Variants in MCM3AP observed in about 807,000 individuals in gnomAD.
The protein encoded by MCM3AP is minichromosome maintenance complex component 3 associated protein.
A neutral mutation model predicts 184.1 loss-of-function variants in MCM3AP; 126 were observed. The ratio of observed to expected loss-of-function variants is 0.68; its 90% CI spans 0.59 to 0.79. MCM3AP has a LOEUF of 0.79. MCM3AP is among the 30% of genes least tolerant of loss of function. MCM3AP has a pLI of 0.00. For missense variants in MCM3AP, 2,496 were observed against 2,479.2 expected (o/e 1.01, Z -0.14); for synonymous variants, 1,002 against 979.3 (o/e 1.02, Z -0.43).
Position 46,276,047 on chromosome 21 carries a change from T to G in MCM3AP, c.1859-722A>C, listed in dbSNP as rs17182682. Among the ~76,000 whole-genome samples, 1,503 of 152,152 alleles carry G rather than the reference T, an allele frequency of 9.9e-3. 23 individuals carry two copies. Among genetic ancestry groups the G allele is most frequent in the African/African-American group, 0.034 (1,421 of 41,510 alleles). ...CTGGCAGATCACCTGAGGTCGGGAG[T>G]TCGAGACCAGCCTGACCAACATGGA... On this transcript the variant is annotated intron_variant, in intron 5 of 27. Coordinates refer to ENST00000291688, the MANE Select transcript of MCM3AP (RefSeq NM_003906.5).
In MCM3AP at chr21:46,277,695, G is replaced by A. The variant is rs1008209747; in HGVS notation, c.1690C>T (p.Leu564Phe). ...CCCTCGAATTGGTGGGCCTTTAGAA[G>A]ACTTGGCTTCTTCACTGGAGAGCTA... ...NKSSPVKKPS[L>F]LKAHQFEGDS... Residue 564 changes from leucine to phenylalanine, a missense_variant, in exon 5 of 28, where the codon CTT becomes TTT. Coordinates refer to ENST00000291688, the MANE Select transcript of MCM3AP (RefSeq NM_003906.5). The A allele has an allele frequency of 3.1e-6, 5 of 1,593,706 alleles. No homozygotes were observed. Among genetic ancestry groups the A allele is most frequent in the South Asian group, 1.1e-5 (1 of 88,396 alleles).
At chr21:46,259,135 CCA>C (rs756726360) in intron 15 of MCM3AP, 44 bp from the exon 16 acceptor site, 60 of 1,570,208 alleles carry the variant, frequency 3.8e-5, no homozygotes, top group Non-Finnish European at 5.1e-5. Flanking sequence ...CACTTGGGGC[CCA>C]CAGACACTGA....
intron 9 of MCM3AP, chr21:46,270,185 C>G (rs2081162157): frequency 2.4e-6 from 1 of 412,902 alleles, no homozygotes; most frequent in African/African-American, 2.0e-5. Flanking sequence ...AACCATGGAA[C>G]AGTATTTTCC....
At chr21:46,264,291 CG>C (rs921058531) in intron 12 of MCM3AP, 74 bp from the exon 13 acceptor site, 1 of 951,978 alleles carries the variant, frequency 1.1e-6, no homozygotes, top group African/African-American at 1.6e-5. Flanking sequence ...ATGTTGTCAC[CG>C]GACAGTCTGC....
In MCM3AP at chr21:46,242,911, G is replaced by A; in HGVS notation, c.5317C>T (p.Gln1773Ter). 2 of 1,608,746 alleles carry A rather than the reference G, an allele frequency of 1.2e-6. No homozygotes were observed. The highest frequency in any genetic ancestry group is 1.7e-6 in the Non-Finnish European group (2 of 1,178,268). The change falls in exon 25 of 28, where the codon CAG (glutamine) becomes TAG (stop). Residue 1773 changes from glutamine (Q) to a stop codon, truncating the protein, a stop_gained. Transcript: ENST00000291688. LOFTEE classifies it high-confidence loss of function. The stretch of plus-strand genomic sequence containing the variant: ...TTTTTAAAAAAATACACACATATCT[G>A]ACCATCTTCACTCAGCGCCTCTGAG... ...VTSEALSEDGQICVYFFKNDL... is the reference protein window; with the variant it reads ...VTSEALSEDG
rs149107331 is a variant in MCM3AP at position 46,245,165 on chromosome 21, G to T, written c.4680C>A (p.His1560Gln). Residue 1560 changes from histidine to glutamine, a missense_variant, in exon 23 of 28, where the codon CAC (histidine) becomes CAA (glutamine). By Grantham distance (24) the His-to-Gln change is conservative (BLOSUM62 0). This residue lies in a region of MCM3AP where 1,323 missense variants were observed against 1,273.4 expected (regional missense o/e 1.04). Coordinates refer to ENST00000291688, the MANE Select transcript of MCM3AP (RefSeq NM_003906.5). The part of the protein sequence containing the change: ...VLQAVQWLVS[H>Q]CPHSLDLCCQ... ...AGCAGAGGTCAAGGGAATGGGGGCAGTGGGAAACCAGCCACTGCACTGCTT... is the reference window on the plus strand; with the variant it reads ...AGCAGAGGTCAAGGGAATGGGGGCATTGGGAAACCAGCCACTGCACTGCTT... 5.6e-6 allele frequency: 9 copies of T among 1,613,542 alleles called. No individual in the cohort carries two copies. In the African/African-American group the frequency reaches 9.3e-5, roughly 17 times the overall value.
chr21:46,245,312 C>T (rs1482106303), intron 22 of MCM3AP, 115 bp from the exon 23 acceptor site: 3 of 907,252 alleles, frequency 3.3e-6, no homozygotes, highest in Middle Eastern at 3.0e-4. Context: ...GAGTACTGGG[C>T]TCTCAACTGT....
intron 13 of MCM3AP, among the ~76,000 whole-genome samples, chr21:46,262,737 G>A (rs1048459174): frequency 4.6e-5 from 7 of 151,848 alleles, no homozygotes; most frequent in Non-Finnish European, 1.0e-4. Context: ...GGAGGCCGAG[G>A]CGGGTGGATC....
intron 4 of MCM3AP, among the ~76,000 whole-genome samples, chr21:46,278,709 T>C (rs2081285328): frequency 6.6e-6 from 1 of 151,960 alleles, no homozygotes; most frequent in African/African-American, 2.4e-5. Flanking sequence ...GGTCTCGCTC[T>C]GTTGCCCAGT....
At chr21:46,256,517 G>C (rs1025000213) in intron 17 of MCM3AP, 15 of 504,688 alleles carry the variant, frequency 3.0e-5, no homozygotes, top group Non-Finnish European at 5.3e-5. Flanking sequence ...AAGAACACGT[G>C]ATGCAGAGTC....
At chr21:46,260,967 G>A (rs1347207508) in intron 14 of MCM3AP, 61 bp from the exon 15 acceptor site, 2 of 1,331,654 alleles carry the variant, frequency 1.5e-6, no homozygotes, top group African/African-American at 2.9e-5. Context: ...AGTGCTGTTT[G>A]TTTTACTCCC....
intron 13 of MCM3AP, among the ~76,000 whole-genome samples, chr21:46,261,895 A>C (rs1601520103): frequency 6.6e-6 from 1 of 152,314 alleles, no homozygotes; most frequent in East Asian, 1.9e-4. Context: ...TTTCAAAGGA[A>C]ATGCTCATTG....
At chr21:46,252,386 C>A (rs2080886833) in intron 19 of MCM3AP, 1 of 152,114 alleles carries the variant, frequency 6.6e-6, no homozygotes, top group Admixed American at 6.5e-5. Context: ...GAGAAGACAG[C>A]TATTTTAAGA....
Position 46,241,087 on chromosome 21 carries a change from A to G in MCM3AP, c.5427-70T>C, listed in dbSNP as rs545694980. The G allele has an allele frequency of 6.9e-4, 803 of 1,155,846 alleles. 9 individuals are homozygous for G. Among genetic ancestry groups the G allele is most frequent in the South Asian group, 6.9e-3 (527 of 76,038 alleles). 71.6% of individuals were successfully genotyped at this position (1,155,846 alleles called of 1,614,324 possible). ...TTCTACAGCATCATGTAAAGCATGTAGATACATTTGCACATGTGCATTAAC... is the reference window on the plus strand; with the variant it reads ...TTCTACAGCATCATGTAAAGCATGTGGATACATTTGCACATGTGCATTAAC... On this transcript the variant is annotated intron_variant, in intron 25 of 27. Transcript: ENST00000291688.
At position 46,235,136 on chromosome 21, in the gene MCM3AP, C is replaced by A; in HGVS notation, c.*132G>T. 9.9e-7 allele frequency: 1 copy of A among 1,005,654 alleles called. No homozygotes were observed. The highest frequency in any genetic ancestry group is 1.4e-6 in the Non-Finnish European group (1 of 694,892). 62.3% of individuals were successfully genotyped at this position (1,005,654 alleles called of 1,614,324 possible). A position where few individuals can be genotyped will look rare whatever the true frequency, so the allele number is the denominator to read the frequency against. ...TCATTATGAAAAACTGGGAGACTGACATTTAAATGGTTTATCTGCATGATT... is the reference window on the plus strand; with the variant it reads ...TCATTATGAAAAACTGGGAGACTGAAATTTAAATGGTTTATCTGCATGATT... On this transcript the variant is annotated 3_prime_UTR_variant, in exon 28 of 28. Transcript: ENST00000291688.
chr21:46,254,826 GT>G lies in MCM3AP; in HGVS notation c.3950del (p.Asn1317ThrfsTer7). On this transcript the variant is annotated frameshift_variant, in exon 18 of 28. Transcript: ENST00000291688. LOFTEE classifies it high-confidence loss of function. ...ISCTRLRRLRNKTAHQMKVQH... is the reference protein window; with the variant it reads ...ISCTRLRRLRXKTAHQMKVQH... ...GAACCTTCATCTGGTGAGCTGTCTT[GT>G]TTCTGAGCCGCCTTAACCTGCAAAG... The G allele has an allele frequency of 6.2e-7, 1 of 1,614,100 alleles. No individual in the cohort carries two copies. The highest frequency in any genetic ancestry group is 1.3e-5 in the African/African-American group (1 of 75,040).
At position 46,272,592 on chromosome 21, in the gene MCM3AP, G is replaced by C. The variant is rs145701527; in HGVS notation, c.2434C>G (p.Leu812Val). 7.4e-6 allele frequency: 12 copies of C among 1,614,054 alleles called. No homozygotes were observed. The highest frequency in any genetic ancestry group is 1.0e-5 in the Non-Finnish European group (12 of 1,180,024). ...ATGTCTCCCTTGTTGAGACTGAGCA[G>C]AACATTGTAGCCCTGGAACTCCGCT... ...SEAEFQGYNVLLSLNKGDILR... is the reference protein window; with the variant it reads ...SEAEFQGYNVVLSLNKGDILR... The change falls in exon 8 of 28, where the codon CTG (leucine) becomes GTG (valine). Residue 812 changes from leucine to valine, a missense_variant. Physicochemically the swap from Leu to Val is conservative, Grantham distance 32 (BLOSUM62 1). Coordinates refer to ENST00000291688, the MANE Select transcript of MCM3AP (RefSeq NM_003906.5).
Position 46,264,102 on chromosome 21 carries a change from C to T in MCM3AP, c.3335+15G>A, listed in dbSNP as rs780115094. ...CGCAGCACGTAGCAGGAGGGGAGCACGAGATGCCACTCACCCCAGGGCGGC... is the reference window on the plus strand; with the variant it reads ...CGCAGCACGTAGCAGGAGGGGAGCATGAGATGCCACTCACCCCAGGGCGGC... On this transcript the variant is annotated intron_variant, in intron 13 of 27. Transcript: ENST00000291688. The T allele has an allele frequency of 6.9e-6, 11 of 1,595,196 alleles. No homozygotes were observed. Among genetic ancestry groups the T allele is most frequent in the Admixed American group, 3.3e-5 (2 of 59,830 alleles).
intron 15 of MCM3AP, 106 bp downstream of exon 15, chr21:46,260,687 G>A (rs2081029934): frequency 1.3e-6 from 1 of 763,716 alleles, no homozygotes; most frequent in Admixed American, 2.2e-5. Flanking sequence ...AGCTTAGACA[G>A]GCAAGATCCA....
Sources: gnomAD v4.1 joint callset for allele counts (sites outside exome capture counted in the v4.1 genomes callset) on GRCh38, gnomAD v4.1.1 for gene constraint, gnomAD v4.1.1 regional missense constraint, MANE v1.5 for transcripts, NCBI Gene and HGNC (gene_info 2026-07-23, HGNC 2026-07-21) for gene names.